Variants in PXDNL observed in about 807,000 individuals in gnomAD.
The protein encoded by PXDNL is probable oxidoreductase PXDNL.
In PXDNL, 145 loss-of-function variants were observed where a neutral mutation model predicts 150.8. The observed-to-expected ratio is 0.96, with a 90% CI of 0.84 to 1.10. The LOEUF (loss-of-function observed/expected upper bound fraction) is 1.10. PXDNL is among the 50% of genes least tolerant of loss of function. PXDNL has a pLI of 0.00. For synonymous variants in PXDNL, 757 were observed against 725.7 expected, an observed-to-expected ratio of 1.04 and a Z score of -0.69; for missense variants, 2,087 against 1,873.9, an observed-to-expected ratio of 1.11 and a Z score of -2.10.
rs1255570234 is a variant in PXDNL at position 51,770,324 on chromosome 8, G to A, written c.164+38857C>T. On this transcript the variant is annotated intron_variant, in intron 1 of 22. Transcript: ENST00000356297. ...ACACACCATTCTTTCAACAAGCTATGACTGAATAGCTATGATCAAAGTGAA... is the reference window on the plus strand; with the variant it reads ...ACACACCATTCTTTCAACAAGCTATAACTGAATAGCTATGATCAAAGTGAA... Among the ~76,000 whole-genome samples, 4 of 152,306 alleles carry A rather than the reference G, an allele frequency of 2.6e-5. No homozygotes were observed. The East Asian group carries it at 7.7e-4, about 29-fold the overall frequency.
chr8:51,499,697 A>G lies in PXDNL; in HGVS notation c.452+2T>C, dbSNP rs1554547081. ...AAGGACATCTAAAGGGTCAACACTT[A>G]CAGTCGCTCTAATCTCAGAAGGTCT... On this transcript the variant is annotated splice_donor_variant, in intron 5 of 22. Transcript: ENST00000356297. LOFTEE classifies it high-confidence loss of function. 1 of 1,607,290 alleles carries G rather than the reference A, an allele frequency of 6.2e-7. No individual in the cohort carries two copies. The highest frequency in any genetic ancestry group is 1.1e-5 in the South Asian group (1 of 90,920).
intron 5 of PXDNL, among the ~76,000 whole-genome samples, chr8:51,485,925 C>A (rs550848678): frequency 1.3e-5 from 2 of 152,304 alleles, no homozygotes; most frequent in African/African-American, 4.8e-5. Flanking sequence ...AACACTGGAA[C>A]AGAGTTTCAT....
chr8:51,597,715 TTTTC>T (rs1362684095), intron 2 of PXDNL, among the ~76,000 whole-genome samples: 19 of 150,574 alleles, frequency 1.3e-4, no homozygotes, highest in African/African-American at 4.0e-4. Context: ...ATTGCATTTT[TTTTC>T]TTTTTTTTTT....
At chr8:51,456,295 A>C (rs1809936689) in intron 9 of PXDNL, among the ~76,000 whole-genome samples, 1 of 152,114 alleles carries the variant, frequency 6.6e-6, no homozygotes, top group Non-Finnish European at 1.5e-5. Flanking sequence ...CCATCTCTTG[A>C]ATGTGCCTTG....
At chr8:51,689,472 C>T (rs1375129178) in intron 1 of PXDNL, among the ~76,000 whole-genome samples, 3 of 152,092 alleles carry the variant, frequency 2.0e-5, no homozygotes, top group Non-Finnish European at 2.9e-5. Flanking sequence ...CATTAGTTTA[C>T]TTTGCTTGGG....
intron 2 of PXDNL, among the ~76,000 whole-genome samples, chr8:51,647,537 A>C (rs1293016797): frequency 2.0e-5 from 3 of 152,228 alleles, no homozygotes; most frequent in Non-Finnish European, 4.4e-5. Context: ...ATGTAGAAAA[A>C]TATGAGTCAT....
chr8:51,766,914 C>G (rs1481830710), intron 1 of PXDNL, among the ~76,000 whole-genome samples: 1 of 151,838 alleles, frequency 6.6e-6, no homozygotes, highest in African/African-American at 2.4e-5. Context: ...CCCCTTCTCT[C>G]CCTCATCTCC....
At chr8:51,495,861 G>GCTCCTC (rs751691300) in intron 5 of PXDNL, among the ~76,000 whole-genome samples, 211 of 152,296 alleles carry the variant, frequency 1.4e-3, no homozygotes, top group Non-Finnish European at 2.5e-3. Context: ...ACCAGGAGGA[G>GCTCCTC]CTGGTACCAT....
intron 3 of PXDNL, among the ~76,000 whole-genome samples, chr8:51,572,598 A>T (rs1330520670): frequency 6.6e-6 from 1 of 151,932 alleles, no homozygotes; most frequent in Non-Finnish European, 1.5e-5. Flanking sequence ...TTTGTTTGGG[A>T]TGATGAAAAA....
At chr8:51,617,526 C>A (rs766290807) in intron 2 of PXDNL, among the ~76,000 whole-genome samples, 6 of 152,220 alleles carry the variant, frequency 3.9e-5, no homozygotes, top group Middle Eastern at 3.4e-3. Flanking sequence ...TTTTCACATG[C>A]GCCACATAGA....
At chr8:51,379,873 T>C (rs1417073659) in intron 17 of PXDNL, among the ~76,000 whole-genome samples, 1 of 152,174 alleles carries the variant, frequency 6.6e-6, no homozygotes, top group African/African-American at 2.4e-5. Context: ...AATCCAAGGG[T>C]AGCCACTTGG....
intron 1 of PXDNL, among the ~76,000 whole-genome samples, chr8:51,678,151 C>T (rs543367052): frequency 9.7e-4 from 148 of 152,304 alleles, no homozygotes; most frequent in Non-Finnish European, 1.4e-3. Flanking sequence ...TTTGTCCTGA[C>T]GCAGCTCTGG....
At chr8:51,683,164 C>CATGTATAT (rs1554566149) in intron 1 of PXDNL, among the ~76,000 whole-genome samples, 1 of 44,450 alleles carries the variant, frequency 2.2e-5, no homozygotes, top group Non-Finnish European at 4.2e-5. Context: ...AATTGTCTTT[C>CATGTATAT]ATATATATAT....
At chr8:51,618,287 G>A (rs1554558691) in intron 2 of PXDNL, among the ~76,000 whole-genome samples, 1 of 152,238 alleles carries the variant, frequency 6.6e-6, no homozygotes, top group Non-Finnish European at 1.5e-5. Context: ...ATCAGCGGGT[G>A]TTGGCATTCA....
intron 1 of PXDNL, among the ~76,000 whole-genome samples, chr8:51,745,306 C>T (rs2036970939): frequency 6.6e-6 from 1 of 151,992 alleles, no homozygotes; most frequent in Non-Finnish European, 1.5e-5. Context: ...TTCAAAAAAC[C>T]TCAAACCCTA....
chr8:51,348,656 A>G (rs570193484), intron 19 of PXDNL, among the ~76,000 whole-genome samples: 64 of 152,228 alleles, frequency 4.2e-4, no homozygotes, highest in African/African-American at 1.5e-3. Flanking sequence ...GCATACATAT[A>G]TATCTATGTG....
intron 1 of PXDNL, among the ~76,000 whole-genome samples, chr8:51,803,552 T>A (rs2037643581): frequency 1.3e-5 from 2 of 152,116 alleles, no homozygotes; most frequent in Admixed American, 1.3e-4. Context: ...AACGATACTG[T>A]CTTCTGGGCT....
chr8:51,602,793 GT>G (rs1813752087), intron 2 of PXDNL, among the ~76,000 whole-genome samples: 1 of 151,374 alleles, frequency 6.6e-6, no homozygotes, highest in Non-Finnish European at 1.5e-5. Flanking sequence ...TTTTTTCAAA[GT>G]TTATGTAATT....
chr8:51,787,359 C>A (rs2037469849), intron 1 of PXDNL, among the ~76,000 whole-genome samples: 1 of 152,156 alleles, frequency 6.6e-6, no homozygotes, highest in Non-Finnish European at 1.5e-5. Context: ...CACTGAAAAC[C>A]TTCTGGAAAA....
Sources: gnomAD v4.1 joint callset for allele counts (sites outside exome capture counted in the v4.1 genomes callset) on GRCh38, gnomAD v4.1.1 for gene constraint, MANE v1.5 for transcripts, NCBI Gene and HGNC (gene_info 2026-07-23, HGNC 2026-07-21) for gene names.